The following KCNG1 variants were observed in gnomAD, a reference collection of about 807,000 sequenced individuals.
The protein encoded by KCNG1 is voltage-gated potassium channel regulatory subunit KCNG1.
A neutral mutation model predicts 32.4 loss-of-function variants in KCNG1; 17 were observed. That is an observed-to-expected ratio of 0.52 (90% CI 0.36 to 0.79). KCNG1 has a LOEUF of 0.79. KCNG1 is among the 30% of genes least tolerant of loss of function. The probability of loss-of-function intolerance (pLI) is 0.00; values close to 1 mark genes in which losing one functional copy is unlikely to be tolerated. For missense variants in KCNG1, 441 were observed against 735.2 expected (o/e 0.60, Z 4.63); for synonymous variants, 358 against 339.9 (o/e 1.05, Z -0.59).
intron 1 of KCNG1, among the ~76,000 whole-genome samples, chr20:51,011,494 A>G (rs1988093761): frequency 6.6e-6 from 1 of 152,184 alleles, no homozygotes; most frequent in African/African-American, 2.4e-5. Context: ...TAGTAGGTAG[A>G]GGCCAGGGAA....
intron 1 of KCNG1, 32 bp from the exon 2 acceptor site, chr20:51,010,396 G>T: frequency 1.4e-6 from 2 of 1,392,360 alleles, no homozygotes; most frequent in South Asian, 2.8e-5. Flanking sequence ...GACCCTCAGT[G>T]ACCACCCCTA....
At chr20:51,008,317 C>A (rs892813842) in intron 2 of KCNG1, among the ~76,000 whole-genome samples, 1 of 152,034 alleles carries the variant, frequency 6.6e-6, no homozygotes, top group African/African-American at 2.4e-5. Context: ...AGGGACCCAA[C>A]CTCACAATTT....
chr20:51,020,379 C>T (rs900681796), intron 1 of KCNG1, among the ~76,000 whole-genome samples: 3 of 152,080 alleles, frequency 2.0e-5, no homozygotes, highest in Non-Finnish European at 4.4e-5. Flanking sequence ...AGAGCATGAT[C>T]GGACCTGCCC....
At position 51,004,434 on chromosome 20, in the gene KCNG1, A is replaced by G. The variant is rs1601089129; in HGVS notation, c.1147T>C (p.Phe383Leu). 6.2e-7 allele frequency: 1 copy of G among 1,609,474 alleles called. No individual in the cohort carries two copies. The highest frequency in any genetic ancestry group is 8.5e-7 in the Non-Finnish European group (1 of 1,176,750). ...AAGAGGGCGATGGCCACGCAGAGGA[A>G]GAGCAGCAGGAGCCCGAACTCGCGG... The part of the protein sequence containing the change: ...CTREFGLLLL[F>L]LCVAIALFAP... Residue 383 changes from phenylalanine (F) to leucine (L), a missense_variant, in exon 3 of 3, where the codon TTC (phenylalanine) becomes CTC (leucine). Physicochemically the swap from Phe to Leu is conservative, Grantham distance 22 (BLOSUM62 0). Around this residue, in one of 6 missense-constraint regions of KCNG1, gnomAD observed 169 missense variants for 297.7 expected, o/e 0.57. Coordinates refer to ENST00000371571, the MANE Select transcript of KCNG1 (RefSeq NM_002237.4). This position sits in a 1 kb window ranked among gnomAD's most constrained non-coding sequence, Gnocchi z 4.3.
chr20:51,008,643 A>T (rs202022487), intron 2 of KCNG1, among the ~76,000 whole-genome samples: 1 of 151,552 alleles, frequency 6.6e-6, no homozygotes, highest in African/African-American at 2.4e-5. Context: ...TGATCTTATG[A>T]TTTTTTTTAA....
chr20:51,012,673 T>G (rs895929292), intron 1 of KCNG1, among the ~76,000 whole-genome samples: 8 of 152,238 alleles, frequency 5.3e-5, no homozygotes, highest in Admixed American at 1.3e-4. Context: ...TTCACAAATA[T>G]TTTGCTTGGC....
rs1433310888 is a variant in KCNG1 at position 51,010,157 on chromosome 20, C to T, written c.182G>A (p.Arg61His). The stretch of plus-strand genomic sequence containing the variant: ...TACGTTGATGATGATCCGACGGCGG[C>T]GGTCCTCGGGCTGACAGCCCTGGCG... ...EPRQGCQPED[R>H]RRRIIINVGG... The change falls in exon 2 of 3, where the codon CGC becomes CAC. Residue 61 changes from arginine (R) to histidine (H), a missense_variant. Around this residue, in one of 6 missense-constraint regions of KCNG1, gnomAD observed 85 missense variants for 98.2 expected, o/e 0.87. Coordinates refer to ENST00000371571, the MANE Select transcript of KCNG1 (RefSeq NM_002237.4). The T allele has an allele frequency of 1.2e-6, 2 of 1,609,780 alleles. No homozygotes were observed. The highest frequency in any genetic ancestry group is 4.5e-5 in the East Asian group (2 of 44,826).
chr20:51,004,985 C>G lies in KCNG1; in HGVS notation c.775-179G>C. 1 of 548,828 alleles carries G rather than the reference C, an allele frequency of 1.8e-6. No homozygotes were observed. The highest frequency in any genetic ancestry group is 3.1e-5 in the East Asian group (1 of 32,144). 34.0% of individuals were successfully genotyped at this position (548,828 alleles called of 1,614,324 possible). ...CGAGGCCTGGGGCACTAAGCACCAT[C>G]TCTACACTGGCCGCTCCTCATCTCT... On this transcript the variant is annotated intron_variant, in intron 2 of 2. Transcript: ENST00000371571. This position sits in a 1 kb window ranked among gnomAD's most constrained non-coding sequence, Gnocchi z 4.3.
intron 1 of KCNG1, among the ~76,000 whole-genome samples, chr20:51,022,038 G>A (rs1022586305): frequency 1.4e-4 from 22 of 152,244 alleles, no homozygotes; most frequent in African/African-American, 4.3e-4. Flanking sequence ...CCTCCCAAGC[G>A]GGGGCCTGGG....
Position 51,015,079 on chromosome 20 carries a change from C to T in KCNG1, c.-26-4715G>A, listed in dbSNP as rs1988230182. On this transcript the variant is annotated intron_variant, in intron 1 of 2. Coordinates refer to ENST00000371571, the MANE Select transcript of KCNG1 (RefSeq NM_002237.4). This position sits in a 1 kb window ranked among gnomAD's most constrained non-coding sequence, Gnocchi z 4.4. The stretch of plus-strand genomic sequence containing the variant: ...GCAAGGGACAAGGAGTCCATGTGTG[C>T]CTGCCAGGTCAGTGGACAACGAGTG... Among the ~76,000 whole-genome samples the T allele has an allele frequency of 1.3e-5, 2 of 152,056 alleles. No homozygotes were observed. The highest frequency in any genetic ancestry group is 4.2e-4 in the South Asian group (2 of 4,818).
chr20:51,008,579 T>G (rs1235122463), intron 2 of KCNG1, among the ~76,000 whole-genome samples: 1 of 152,154 alleles, frequency 6.6e-6, no homozygotes, highest in Non-Finnish European at 1.5e-5. Context: ...GCGATCCTTC[T>G]GCCTCCAGCT....
In KCNG1 at chr20:51,009,107, C is replaced by A. The variant is rs1031602786; in HGVS notation, c.774+458G>T. Among the ~76,000 whole-genome samples, 42 of 152,194 alleles carry A rather than the reference C, an allele frequency of 2.8e-4. 1 individual carries two copies. Among genetic ancestry groups the A allele is most frequent in the African/African-American group, 1.0e-3 (42 of 41,430 alleles). On this transcript the variant is annotated intron_variant, in intron 2 of 2. Transcript: ENST00000371571. ...ACATATACCTATCAATAAAAATTAT[C>A]TTCAGGACCCAGAAAATGTGTCTGG...
intron 2 of KCNG1, chr20:51,006,358 G>T (rs185846570): frequency 7.2e-5 from 11 of 152,182 alleles, no homozygotes; most frequent in Middle Eastern, 3.2e-3. Context: ...ATAAAATCAC[G>T]ATCAAAGATG....
intron 1 of KCNG1, chr20:51,022,524 C>T (rs1245451560): frequency 6.6e-6 from 1 of 152,262 alleles, no homozygotes; most frequent in Non-Finnish European, 1.5e-5. Flanking sequence ...AACTCTCCTT[C>T]CTCCCAGGAT....
In KCNG1 at chr20:51,004,447, C is replaced by A; in HGVS notation, c.1134G>T (p.Gly378=). 1 of 1,607,528 alleles carries A rather than the reference C, an allele frequency of 6.2e-7. No individual in the cohort carries two copies. Among genetic ancestry groups the A allele is most frequent in the Non-Finnish European group, 8.5e-7 (1 of 1,176,068 alleles). The part of the protein sequence containing the change: ...LTARRCTREF[G]LLLLFLCVAI... ...CCACGCAGAGGAAGAGCAGCAGGAG[C>A]CCGAACTCGCGGGTGCAGCGGCGGG... Residue 378 remains glycine, a synonymous_variant, in exon 3 of 3, where the codon GGG becomes GGT. Transcript: ENST00000371571. The surrounding 1 kb of genome is among the most constrained non-coding windows in gnomAD (Gnocchi z 4.3).
chr20:51,010,617 G>A (rs973693937), intron 1 of KCNG1, among the ~76,000 whole-genome samples: 6 of 152,176 alleles, frequency 3.9e-5, no homozygotes, highest in Non-Finnish European at 5.9e-5. Context: ...AAGACAGGCC[G>A]GGCGCGGTGG....
Position 51,005,601 on chromosome 20 carries a change from G to C in KCNG1, c.775-795C>G, listed in dbSNP as rs1014424884. The C allele has an allele frequency of 1.2e-4, 18 of 152,182 alleles. No homozygotes were observed. Among genetic ancestry groups the C allele is most frequent in the African/African-American group, 4.3e-4 (18 of 41,432 alleles). The allele number at this position is 152,182 out of a possible 1,614,324, so 9.4% of individuals were successfully genotyped here. A position where few individuals can be genotyped will look rare whatever the true frequency, so the allele number is the denominator to read the frequency against. On this transcript the variant is annotated intron_variant, in intron 2 of 2. Coordinates refer to ENST00000371571, the MANE Select transcript of KCNG1 (RefSeq NM_002237.4). The surrounding 1 kb of genome is among the most constrained non-coding windows in gnomAD (Gnocchi z 4.0). ...ATGTTGGTTAAATAGATAAAATGTT[G>C]ATTTAAGTCCTGGTGATAATTCAGT...
Position 51,004,631 on chromosome 20 carries a change from A to G in KCNG1, c.950T>C (p.Leu317Pro), listed in dbSNP as rs139451485. 55 of 1,596,274 alleles carry G rather than the reference A, an allele frequency of 3.4e-5. No individual in the cohort carries two copies. Among genetic ancestry groups the G allele is most frequent in the Non-Finnish European group, 4.4e-5 (52 of 1,171,250 alleles). The change falls in exon 3 of 3, where the codon CTG (leucine) becomes CCG (proline). Residue 317 changes from leucine (L) to proline (P), a missense_variant. Leu to Pro is a moderately conservative substitution (Grantham distance 98). Around this residue, in one of 6 missense-constraint regions of KCNG1, gnomAD observed 169 missense variants for 297.7 expected, o/e 0.57. Transcript: ENST00000371571. The surrounding 1 kb of genome is among the most constrained non-coding windows in gnomAD (Gnocchi z 4.3). The part of the protein sequence containing the change: ...VAILPYYITL[L>P]VDGAAAGRRK... The stretch of plus-strand genomic sequence containing the variant: ...ACGGCCTGCGGCGGCGCCGTCCACC[A>G]GCAGCGTGATGTAGTAGGGCAGGAT...
Position 51,005,096 on chromosome 20 carries a change from C to T in KCNG1, c.775-290G>A. On this transcript the variant is annotated intron_variant, in intron 2 of 2. Transcript: ENST00000371571. This position sits in a 1 kb window ranked among gnomAD's most constrained non-coding sequence, Gnocchi z 4.0. ...TCCCACCTGGGTGTCTGAGGGGCAT[C>T]TCGAACTCACCATGGGATCCTGGTT... 1 of 334,328 alleles carries T rather than the reference C, an allele frequency of 3.0e-6. No individual in the cohort carries two copies. Among genetic ancestry groups the T allele is most frequent in the Non-Finnish European group, 5.4e-6 (1 of 185,422 alleles). 20.7% of individuals were successfully genotyped at this position (334,328 alleles called of 1,614,324 possible). A position where few individuals can be genotyped will look rare whatever the true frequency, so the allele number is the denominator to read the frequency against.
Sources: allele counts gnomAD v4.1 joint callset (sites outside exome capture counted in the v4.1 genomes callset), GRCh38; gene constraint gnomAD v4.1.1; regional missense constraint gnomAD v4.1.1; non-coding constraint Gnocchi (gnomAD v3.1); transcripts MANE v1.5; gene names NCBI Gene and HGNC (gene_info 2026-07-23, HGNC 2026-07-21).